The following SYNPR variants were observed in gnomAD, a reference collection of about 807,000 sequenced individuals.
SYNPR encodes the protein synaptoporin.
A neutral mutation model predicts 32.9 loss-of-function variants in SYNPR; 23 were observed. That is an observed-to-expected ratio of 0.70 (90% confidence interval 0.50 to 0.99). The LOEUF (loss-of-function observed/expected upper bound fraction) is 0.99. Among genes scored for constraint, SYNPR ranks in the 50% least tolerant of loss-of-function variants. The pLI, the probability that SYNPR is intolerant of heterozygous loss-of-function variation, is 0.00. For synonymous variants in SYNPR, 146 were observed against 135.9 expected, an observed-to-expected ratio of 1.07 and a Z score of -0.52; for missense variants, 318 against 349.3, an observed-to-expected ratio of 0.91 and a Z score of 0.71.
intron 2 of SYNPR, among the ~76,000 whole-genome samples, chr3:63,413,759 T>C (rs72883779): frequency 4.6e-4 from 70 of 152,272 alleles, no homozygotes; most frequent in African/African-American, 1.6e-3. Context: ...TGATTGCTGC[T>C]TGGGGAAGAG....
At chr3:63,387,636 G>A (rs1302739985) in intron 2 of SYNPR, among the ~76,000 whole-genome samples, 1 of 152,126 alleles carries the variant, frequency 6.6e-6, no homozygotes, top group Non-Finnish European at 1.5e-5. Flanking sequence ...AAGAATATAG[G>A]AACACTCAGT....
intron 1 of SYNPR, among the ~76,000 whole-genome samples, chr3:63,231,044 C>T (rs1034972802): frequency 1.3e-5 from 2 of 152,158 alleles, no homozygotes; most frequent in Non-Finnish European, 2.9e-5. Context: ...AAGACACATG[C>T]ACACATGTTT....
chr3:63,248,700 T>A (rs1015895856), intron 1 of SYNPR, among the ~76,000 whole-genome samples: 8 of 152,146 alleles, frequency 5.3e-5, no homozygotes, highest in African/African-American at 1.9e-4. Flanking sequence ...ATATGTGAAA[T>A]AGATGCTCTG....
intron 2 of SYNPR, among the ~76,000 whole-genome samples, chr3:63,352,068 T>C (rs1287559175): frequency 6.6e-6 from 1 of 151,288 alleles, no homozygotes; most frequent in Admixed American, 6.6e-5. Context: ...TTGGAGGGAG[T>C]GCCAGGCTGA....
At chr3:63,371,612 T>C (rs555426791) in intron 2 of SYNPR, among the ~76,000 whole-genome samples, 35 of 152,082 alleles carry the variant, frequency 2.3e-4, no homozygotes, top group Non-Finnish European at 4.0e-4. Flanking sequence ...CCTCAGGTTC[T>C]AGAAGGTGCG....
intron 2 of SYNPR, among the ~76,000 whole-genome samples, chr3:63,338,815 G>A (rs535068116): frequency 1.3e-5 from 2 of 152,332 alleles, no homozygotes; most frequent in African/African-American, 4.8e-5. Flanking sequence ...GCAGGGACAT[G>A]TTCAGAATCC....
chr3:63,610,349 T>C (rs1700182044), intron 5 of SYNPR: 4 of 482,460 alleles, frequency 8.3e-6, no homozygotes, highest in East Asian at 3.0e-5. Context: ...ACATAAGCTA[T>C]AATGGCAGCA....
At chr3:63,384,967 G>T (rs1468609038) in intron 2 of SYNPR, among the ~76,000 whole-genome samples, 9 of 152,068 alleles carry the variant, frequency 5.9e-5, no homozygotes, top group Admixed American at 2.6e-4. Flanking sequence ...TAGGAGGCAT[G>T]CTTGAGGTGG....
chr3:63,476,144 AGG>A (rs1270689808), intron 2 of SYNPR, among the ~76,000 whole-genome samples: 8 of 29,118 alleles, frequency 2.7e-4, no homozygotes, highest in African/African-American at 1.2e-3. Flanking sequence ...GAAGGAAGGA[AGG>A]AAGGGAGGGA....
intron 3 of SYNPR, among the ~76,000 whole-genome samples, chr3:63,543,777 C>T (rs572462160): frequency 6.6e-6 from 1 of 152,144 alleles, no homozygotes; most frequent in South Asian, 2.1e-4. Flanking sequence ...AAGTAGCCCT[C>T]GTCCCCTACC....
At chr3:63,380,165 T>C (rs941516581) in intron 2 of SYNPR, among the ~76,000 whole-genome samples, 14 of 152,192 alleles carry the variant, frequency 9.2e-5, no homozygotes, top group African/African-American at 3.4e-4. Context: ...CATGTGTCTT[T>C]ATAGCAGCAT....
At chr3:63,585,812 T>A (rs898375854) in intron 4 of SYNPR, among the ~76,000 whole-genome samples, 9 of 152,120 alleles carry the variant, frequency 5.9e-5, no homozygotes, top group African/African-American at 2.2e-4. Flanking sequence ...AATTCTTTAT[T>A]ATTTCAACTG....
At chr3:63,545,324 T>C (rs1282403837) in intron 3 of SYNPR, 4 of 152,144 alleles carry the variant, frequency 2.6e-5, no homozygotes, top group African/African-American at 9.7e-5. Context: ...TAGTAAATCT[T>C]AACATTTTGG....
chr3:63,424,540 T>A (rs1699858003), intron 2 of SYNPR, among the ~76,000 whole-genome samples: 2 of 152,330 alleles, frequency 1.3e-5, no homozygotes, highest in South Asian at 2.1e-4. Flanking sequence ...AATTACTTAT[T>A]ATTTCCATTT....
chr3:63,480,755 A>G (rs1209498698), intron 2 of SYNPR, 77 bp from the exon 3 acceptor site: 2 of 1,532,564 alleles, frequency 1.3e-6, no homozygotes, highest in Non-Finnish European at 8.8e-7. Context: ...TCCAGACATT[A>G]AGCTCCTTTT....
chr3:63,435,595 A>C (rs553031723), intron 2 of SYNPR, among the ~76,000 whole-genome samples: 1 of 152,204 alleles, frequency 6.6e-6, no homozygotes, highest in Non-Finnish European at 1.5e-5. Flanking sequence ...TGCCCCTAGC[A>C]CACCCTCCCA....
At chr3:63,279,530 G>A (rs1450793966) in intron 2 of SYNPR, among the ~76,000 whole-genome samples, 4 of 152,202 alleles carry the variant, frequency 2.6e-5, no homozygotes, top group Admixed American at 6.5e-5. Context: ...GTTACCCACA[G>A]GGCCACAGAG....
chr3:63,489,914 C>A (rs1701228244), intron 3 of SYNPR, among the ~76,000 whole-genome samples: 1 of 151,958 alleles, frequency 6.6e-6, no homozygotes, highest in Non-Finnish European at 1.5e-5. Flanking sequence ...AGACTGGAAT[C>A]TGGGGGAATA....
At chr3:63,610,183 T>C (rs1700180093) in intron 5 of SYNPR, among the ~76,000 whole-genome samples, 1 of 152,208 alleles carries the variant, frequency 6.6e-6, no homozygotes, top group South Asian at 2.1e-4. Context: ...AGCTGCACTG[T>C]ATTAGTTGAA....
Sources: allele counts gnomAD v4.1 joint callset (sites outside exome capture counted in the v4.1 genomes callset), GRCh38; gene constraint gnomAD v4.1.1; transcripts MANE v1.5; gene names NCBI Gene and HGNC (gene_info 2026-07-23, HGNC 2026-07-21).